ZFPM2: variants seen among roughly 807,000 people sequenced by gnomAD.
ZFPM2 encodes the protein zinc finger protein ZFPM2.
Under a neutral mutation model 98.6 loss-of-function variants are expected in ZFPM2, and 20 were observed. The ratio of observed to expected loss-of-function variants is 0.20; its 90% CI spans 0.14 to 0.29. The LOEUF (loss-of-function observed/expected upper bound fraction) is 0.29. Ranked by LOEUF, ZFPM2 falls within the 10% of genes least tolerant of loss-of-function variation. The pLI is 1.00. For synonymous variants in ZFPM2, 518 were observed against 502.7 expected (o/e 1.03, Z -0.41); for missense variants, 1,310 against 1,388.6 (o/e 0.94, Z 0.90).
rs1267918654 is a variant in ZFPM2 at position 105,765,192 on chromosome 8, T to C, written c.533-23526T>C. On this transcript the variant is annotated intron_variant, in intron 5 of 7. Coordinates refer to ENST00000407775, the MANE Select transcript of ZFPM2 (RefSeq NM_012082.4). Reference sequence around the variant, plus strand: ...CTGTAAAAATCACAGTACTTATCATTTGGGGGTTCTATATTTCTTAGTAAA... The same window carrying C: ...CTGTAAAAATCACAGTACTTATCATCTGGGGGTTCTATATTTCTTAGTAAA... Among the ~76,000 whole-genome samples the C allele has an allele frequency of 4.6e-5, 7 of 151,952 alleles. No individual in the cohort carries two copies. The East Asian group carries it at 1.2e-3, about 25-fold the overall frequency.
In ZFPM2 at chr8:105,708,863, T is replaced by C. The variant is rs186067591; in HGVS notation, c.532+74506T>C. On this transcript the variant is annotated intron_variant, in intron 5 of 7. Transcript: ENST00000407775. ...AAATAATAAAGTACTTCCTGTGTTA[T>C]AAACATATGCCATGGGTTGAATCAA... Among the ~76,000 whole-genome samples, 362 of 152,334 alleles carry C rather than the reference T, an allele frequency of 2.4e-3. 2 individuals are homozygous for C. The highest frequency in any genetic ancestry group is 5.4e-3 in the South Asian group (26 of 4,832).
At chr8:105,647,696 A>G (rs1171022592) in intron 5 of ZFPM2, among the ~76,000 whole-genome samples, 1 of 152,154 alleles carries the variant, frequency 6.6e-6, no homozygotes, top group Non-Finnish European at 1.5e-5. Context: ...GTCCCCACAA[A>G]GGACATGAAC....
intron 1 of ZFPM2, among the ~76,000 whole-genome samples, chr8:105,354,141 G>C (rs2941656): frequency 0.26 from 39,444 of 152,124 alleles, 5,999 homozygotes; most frequent in Admixed American, 0.41. Flanking sequence ...ATGTGATTAA[G>C]ATATGTTAAA....
At chr8:105,578,695 C>G (rs1332052004) in intron 4 of ZFPM2, among the ~76,000 whole-genome samples, 1 of 152,054 alleles carries the variant, frequency 6.6e-6, no homozygotes, top group African/African-American at 2.4e-5. Flanking sequence ...TTGGTAAGAG[C>G]AGTGCTTTGA....
Position 105,803,541 on chromosome 8 carries a change from T to A in ZFPM2, c.*3T>A. On this transcript the variant is annotated 3_prime_UTR_variant, in exon 8 of 8. Coordinates refer to ENST00000407775, the MANE Select transcript of ZFPM2 (RefSeq NM_012082.4). ...ATGCAGCAGAACATGTCAAATGAAC[T>A]AACTAAACATCAGTCACCTTTGGTA... 1 of 1,601,422 alleles carries A rather than the reference T, an allele frequency of 6.2e-7. No individual in the cohort carries two copies.
chr8:105,491,856 T>A (rs2130434394), intron 3 of ZFPM2, among the ~76,000 whole-genome samples: 1 of 152,290 alleles, frequency 6.6e-6, no homozygotes, highest in East Asian at 1.9e-4. Flanking sequence ...ATGCAAAAAT[T>A]GATTTTTTAA....
chr8:105,409,279 G>A (rs1176601530), intron 1 of ZFPM2, among the ~76,000 whole-genome samples: 1 of 151,890 alleles, frequency 6.6e-6, no homozygotes. Context: ...TCATGTCATA[G>A]CCACACAGTG....
At chr8:105,653,843 T>C (rs1385043689) in intron 5 of ZFPM2, among the ~76,000 whole-genome samples, 1 of 136,474 alleles carries the variant, frequency 7.3e-6, no homozygotes, top group Non-Finnish European at 1.6e-5. Context: ...ATACAACAGC[T>C]TGTGTGCTAT....
intron 5 of ZFPM2, among the ~76,000 whole-genome samples, chr8:105,766,496 T>A (rs1335701487): frequency 6.6e-6 from 1 of 151,858 alleles, no homozygotes; most frequent in Non-Finnish European, 1.5e-5. Context: ...CATTCTTGCA[T>A]AAGTGCGCAG....
chr8:105,499,292 A>G (rs1813539670), intron 3 of ZFPM2, among the ~76,000 whole-genome samples: 1 of 152,058 alleles, frequency 6.6e-6, no homozygotes, highest in Non-Finnish European at 1.5e-5. Flanking sequence ...GAAAAGGTGG[A>G]ATGACTGATA....
At chr8:105,435,255 G>A (rs1012853728) in intron 2 of ZFPM2, among the ~76,000 whole-genome samples, 1 of 152,048 alleles carries the variant, frequency 6.6e-6, no homozygotes, top group South Asian at 2.1e-4. Context: ...ATCTTGCAAT[G>A]GAAAACCATT....
At chr8:105,471,440 T>G (rs1028311186) in intron 3 of ZFPM2, among the ~76,000 whole-genome samples, 7 of 152,232 alleles carry the variant, frequency 4.6e-5, no homozygotes, top group African/African-American at 1.7e-4. Context: ...TAATCTTTTT[T>G]CATTCTGAAG....
chr8:105,628,234 G>A (rs1343872664), intron 4 of ZFPM2, among the ~76,000 whole-genome samples: 3 of 152,120 alleles, frequency 2.0e-5, no homozygotes, highest in African/African-American at 7.2e-5. Flanking sequence ...CCTAGAAAAT[G>A]TGACTCCAAA....
intron 4 of ZFPM2, among the ~76,000 whole-genome samples, chr8:105,589,778 G>T (rs1027766336): frequency 1.3e-5 from 2 of 152,082 alleles, no homozygotes; most frequent in African/African-American, 2.4e-5. Flanking sequence ...GAGTGCAGTG[G>T]CTCAATCTCA....
At chr8:105,777,613 AAAGTT>A (rs1813134210) in intron 5 of ZFPM2, among the ~76,000 whole-genome samples, 2 of 152,202 alleles carry the variant, frequency 1.3e-5, no homozygotes. Context: ...ACAAATGAAA[AAAGTT>A]AAAGATCATT....
intron 5 of ZFPM2, among the ~76,000 whole-genome samples, chr8:105,732,742 T>G (rs761773979): frequency 1.3e-5 from 2 of 151,812 alleles, no homozygotes; most frequent in African/African-American, 2.4e-5. Flanking sequence ...ACTAAGCTAC[T>G]GGAGCAATGG....
At chr8:105,729,314 G>A (rs1228223905) in intron 5 of ZFPM2, among the ~76,000 whole-genome samples, 1 of 151,386 alleles carries the variant, frequency 6.6e-6, no homozygotes, top group South Asian at 2.1e-4. Flanking sequence ...ATTACAATGA[G>A]CCTTAATTAA....
chr8:105,632,844 AATT>A (rs1816778197), intron 4 of ZFPM2, among the ~76,000 whole-genome samples: 1 of 152,144 alleles, frequency 6.6e-6, no homozygotes, highest in African/African-American at 2.4e-5. Flanking sequence ...AATGTATTAG[AATT>A]TGTTATACTT....
intron 4 of ZFPM2, among the ~76,000 whole-genome samples, chr8:105,596,845 A>T (rs532748147): frequency 2.0e-5 from 3 of 150,912 alleles, no homozygotes; most frequent in Middle Eastern, 3.4e-3. Flanking sequence ...ACTTCAATTA[A>T]GCAAGGTAGT....
Sources: gnomAD v4.1 joint callset for allele counts (sites outside exome capture counted in the v4.1 genomes callset) on GRCh38, gnomAD v4.1.1 for gene constraint, MANE v1.5 for transcripts, NCBI Gene and HGNC (gene_info 2026-07-23, HGNC 2026-07-21) for gene names.